WDR33: variants seen among roughly 807,000 people sequenced by gnomAD.
WDR33 encodes pre-mRNA 3' end processing protein WDR33.
In WDR33, 47 loss-of-function variants were observed where a neutral mutation model predicts 164.9. The observed-to-expected ratio is 0.29, with a 90% CI of 0.23 to 0.36. The LOEUF is 0.36. WDR33 is among the 10% of genes least tolerant of loss of function. WDR33 has a pLI of 1.00. For missense variants in WDR33, 1,137 were observed against 1,754.1 expected, an observed-to-expected ratio of 0.65 and a Z score of 6.28; for synonymous variants, 505 against 589.0, an observed-to-expected ratio of 0.86 and a Z score of 2.06.
intron 1 of WDR33, among the ~76,000 whole-genome samples, chr2:127,805,263 A>C (rs918056092): frequency 1.5e-4 from 23 of 151,354 alleles, no homozygotes; most frequent in African/African-American, 5.6e-4. Context: ...TTTTTTTAAA[A>C]TAGAGACAGG....
chr2:127,759,184 G>A (rs1687605305), intron 7 of WDR33, among the ~76,000 whole-genome samples: 1 of 152,100 alleles, frequency 6.6e-6, no homozygotes, highest in African/African-American at 2.4e-5. Context: ...TTGTAATGGT[G>A]GACATATACA....
chr2:127,769,418 G>A (rs900775252), intron 2 of WDR33, among the ~76,000 whole-genome samples: 4 of 151,808 alleles, frequency 2.6e-5, no homozygotes, highest in South Asian at 2.1e-4. Context: ...GCAACAGAGC[G>A]AGATTCCATC....
At position 127,763,936 on chromosome 2, in the gene WDR33, C is replaced by T. The variant is rs1487367112; in HGVS notation, c.627-777G>A. 2.0e-6 allele frequency: 2 copies of T among 985,638 alleles called. No homozygotes were observed. The highest frequency in any genetic ancestry group is 2.4e-6 in the Non-Finnish European group (2 of 830,204). 61.1% of individuals were successfully genotyped at this position (985,638 alleles called of 1,614,324 possible). A position where few individuals can be genotyped will look rare whatever the true frequency, so the allele number is the denominator to read the frequency against. On this transcript the variant is annotated intron_variant, in intron 6 of 21. Transcript: ENST00000322313. This position sits in a 1 kb window ranked among gnomAD's most constrained non-coding sequence, Gnocchi z 4.5. ...TAAGGCAAAATCTACAAAGCAGAAG[C>T]ATGTTCATCCAACAATTTCTGTTAA...
intron 7 of WDR33, among the ~76,000 whole-genome samples, chr2:127,748,366 G>C (rs1687224963): frequency 6.6e-6 from 1 of 152,206 alleles, no homozygotes; most frequent in African/African-American, 2.4e-5. Context: ...ATTCACACTT[G>C]TAAATACTAA....
In WDR33 at chr2:127,702,294, A is replaced by T. The variant is rs1359690053; in HGVS notation, c.*4029T>A. 9.7e-7 allele frequency: 1 copy of T among 1,033,194 alleles called. No homozygotes were observed. The highest frequency in any genetic ancestry group is 4.9e-5 in the Admixed American group (1 of 20,570). 64.0% of individuals were successfully genotyped at this position (1,033,194 alleles called of 1,614,324 possible). ...AAGCCCGTGGCGAAGGCCCTGCCCT[A>T]ACAGCCTGCGAGTCTAATCCGGGAG... On this transcript the variant is annotated 3_prime_UTR_variant, in exon 22 of 22. Transcript: ENST00000322313.
chr2:127,740,902 A>G (rs1053029200), intron 7 of WDR33, among the ~76,000 whole-genome samples: 2 of 152,308 alleles, frequency 1.3e-5, no homozygotes, highest in Admixed American at 1.3e-4. Context: ...ATTTTAGGAA[A>G]TTTTGAAAAA....
intron 1 of WDR33, among the ~76,000 whole-genome samples, chr2:127,772,827 C>T (rs1174297259): frequency 2.6e-5 from 4 of 151,966 alleles, no homozygotes; most frequent in African/African-American, 2.4e-5. Context: ...ATTTTAAGCA[C>T]ATTTTAAAAA....
chr2:127,724,550 C>T lies in WDR33; in HGVS notation c.1086-107G>A. ...TACTCTTAAAATGAAGCTACCAAAGCCTGGACTTGGACTCTGGTGAATTCC... is the reference window on the plus strand; with the variant it reads ...TACTCTTAAAATGAAGCTACCAAAGTCTGGACTTGGACTCTGGTGAATTCC... On this transcript the variant is annotated intron_variant, in intron 10 of 21. Transcript: ENST00000322313. This position sits in a 1 kb window ranked among gnomAD's most constrained non-coding sequence, Gnocchi z 4.8. 1.0e-6 allele frequency: 1 copy of T among 976,414 alleles called. No individual in the cohort carries two copies. The highest frequency in any genetic ancestry group is 2.1e-5 in the Admixed American group (1 of 46,528). 60.5% of individuals were successfully genotyped at this position (976,414 alleles called of 1,614,324 possible).
In WDR33 at chr2:127,720,163, C is replaced by T. The variant is rs1686401597; in HGVS notation, c.1862G>A (p.Gly621Asp). ...PMNMAQMGPP[G>D]PQGQFRPPGP... ...AGGAGGCCTAAACTGTCCCTGTGGA[C>T]CTGGAGGCCCCATTTGAGCCATGTT... The change falls in exon 16 of 22, where the codon GGT becomes GAT. Residue 621 changes from glycine to aspartate, a missense_variant. Gly to Asp is a moderately conservative substitution (Grantham distance 94, BLOSUM62 -1). Around this residue, in one of 9 missense-constraint regions of WDR33, gnomAD observed 867 missense variants for 1,073.0 expected, o/e 0.81. Transcript: ENST00000322313. This position sits in a 1 kb window ranked among gnomAD's most constrained non-coding sequence, Gnocchi z 5.9. 1.2e-6 allele frequency: 2 copies of T among 1,613,748 alleles called. No individual in the cohort carries two copies. The highest frequency in any genetic ancestry group is 1.7e-6 in the Non-Finnish European group (2 of 1,179,880).
chr2:127,729,855 A>G (rs1686660976), intron 7 of WDR33, among the ~76,000 whole-genome samples: 1 of 152,200 alleles, frequency 6.6e-6, no homozygotes, highest in African/African-American at 2.4e-5. Flanking sequence ...TGTAGTATCT[A>G]ATTTTACAAA....
chr2:127,720,142 G>A lies in WDR33; in HGVS notation c.1883C>T (p.Pro628Leu), dbSNP rs766192018. Reference protein sequence around the residue: ...GPPGPQGQFRPPGPQGQMGPQ... With the variant: ...GPPGPQGQFRLPGPQGQMGPQ... ...TCCCATTTGTCCCTGGGGTCCAGGA[G>A]GCCTAAACTGTCCCTGTGGACCTGG... The change falls in exon 16 of 22, where the codon CCT becomes CTT. Residue 628 changes from proline to leucine, a missense_variant. Physicochemically the swap from Pro to Leu is moderately conservative, Grantham distance 98. Coordinates refer to ENST00000322313, the MANE Select transcript of WDR33 (RefSeq NM_018383.5). This position sits in a 1 kb window ranked among gnomAD's most constrained non-coding sequence, Gnocchi z 5.9. 12 of 1,614,064 alleles carry A rather than the reference G, an allele frequency of 7.4e-6. No individual in the cohort carries two copies. Among genetic ancestry groups the A allele is most frequent in the Admixed American group, 3.3e-5 (2 of 60,000 alleles).
chr2:127,737,461 T>C (rs919182426), intron 7 of WDR33: 1 of 985,542 alleles, frequency 1.0e-6, no homozygotes, highest in Non-Finnish European at 1.2e-6. Flanking sequence ...ATATATACAG[T>C]CAAGAAAAGC....
At chr2:127,803,783 T>C (rs1321240147) in intron 1 of WDR33, among the ~76,000 whole-genome samples, 1 of 151,714 alleles carries the variant, frequency 6.6e-6, no homozygotes, top group Non-Finnish European at 1.5e-5. Flanking sequence ...CTTGGGTTAT[T>C]GTTTTGCCAA....
intron 7 of WDR33, among the ~76,000 whole-genome samples, chr2:127,742,107 C>A (rs1687033626): frequency 6.6e-6 from 1 of 152,096 alleles, no homozygotes; most frequent in Non-Finnish European, 1.5e-5. Context: ...GAGGCTGAGG[C>A]AGGAGAAACA....
At position 127,717,033 on chromosome 2, in the gene WDR33, C is replaced by A; in HGVS notation, c.2869+122G>T. ...AAGCTCCTACCTGAATGACCACACCCTTATTTTGCCCAGAGGTTCAAATGA... is the reference window on the plus strand; with the variant it reads ...AAGCTCCTACCTGAATGACCACACCATTATTTTGCCCAGAGGTTCAAATGA... On this transcript the variant is annotated intron_variant, in intron 17 of 21. Coordinates refer to ENST00000322313, the MANE Select transcript of WDR33 (RefSeq NM_018383.5). This position sits in a 1 kb window ranked among gnomAD's most constrained non-coding sequence, Gnocchi z 5.6. 2 of 985,596 alleles carry A rather than the reference C, an allele frequency of 2.0e-6. No homozygotes were observed. Among genetic ancestry groups the A allele is most frequent in the South Asian group, 1.4e-5 (1 of 69,556 alleles). 61.1% of individuals were successfully genotyped at this position (985,596 alleles called of 1,614,324 possible).
rs761790721 is a variant in WDR33, at chr2:127,706,387, C to G, written c.3947G>C (p.Gly1316Ala). ...GGRSGSNWGRGSNMNSGPPRR... is the reference protein window; with the variant it reads ...GGRSGSNWGRASNMNSGPPRR... Reference sequence around the variant, plus strand: ...CGGCGGGCCAGAGTTCATGTTACTCCCTCTACCCCAGTTACTGCCACTCCG... The same window carrying G: ...CGGCGGGCCAGAGTTCATGTTACTCGCTCTACCCCAGTTACTGCCACTCCG... Residue 1316 changes from glycine (G) to alanine (A), a missense_variant, in exon 22 of 22, where the codon GGG becomes GCG. Around this residue, in one of 9 missense-constraint regions of WDR33, gnomAD observed 867 missense variants for 1,073.0 expected, o/e 0.81. Transcript: ENST00000322313. This position sits in a 1 kb window ranked among gnomAD's most constrained non-coding sequence, Gnocchi z 5.1. 2 of 1,612,236 alleles carry G rather than the reference C, an allele frequency of 1.2e-6. No individual in the cohort carries two copies. The highest frequency in any genetic ancestry group is 1.7e-6 in the Non-Finnish European group (2 of 1,179,242).
At position 127,719,900 on chromosome 2, in the gene WDR33, C is replaced by A. The variant is rs1686392561; in HGVS notation, c.2125G>T (p.Gly709Cys). 1 of 1,613,786 alleles carries A rather than the reference C, an allele frequency of 6.2e-7. No individual in the cohort carries two copies. The highest frequency in any genetic ancestry group is 8.5e-7 in the Non-Finnish European group (1 of 1,179,986). Residue 709 changes from glycine (G) to cysteine (C), a missense_variant, in exon 16 of 22, where the codon GGT becomes TGT. Physicochemically the swap from Gly to Cys is radical, Grantham distance 159 (BLOSUM62 -3). Around this residue, in one of 9 missense-constraint regions of WDR33, gnomAD observed 867 missense variants for 1,073.0 expected, o/e 0.81. Coordinates refer to ENST00000322313, the MANE Select transcript of WDR33 (RefSeq NM_018383.5). This position sits in a 1 kb window ranked among gnomAD's most constrained non-coding sequence, Gnocchi z 6.5. The part of the protein sequence containing the change: ...SGPQGHMGPQ[G>C]PPGPQGHIGP... Reference sequence around the variant, plus strand: ...ATGTGACCCTGTGGGCCAGGTGGACCCTGAGGACCCATATGACCTTGAGGA... The same window carrying A: ...ATGTGACCCTGTGGGCCAGGTGGACACTGAGGACCCATATGACCTTGAGGA...
chr2:127,741,719 T>G lies in WDR33; in HGVS notation c.725-14942A>C, dbSNP rs1384739727. Among the ~76,000 whole-genome samples the G allele has an allele frequency of 6.6e-6, 1 of 152,060 alleles. No individual in the cohort carries two copies. Among genetic ancestry groups the G allele is most frequent in the African/African-American group, 2.4e-5 (1 of 41,418 alleles). ...AAGAGAAAAATACAGATTATATGAC[T>G]TTAGGGAAAACAAACAGGAACAACA... On this transcript the variant is annotated intron_variant, in intron 7 of 21. Coordinates refer to ENST00000322313, the MANE Select transcript of WDR33 (RefSeq NM_018383.5). This position sits in a 1 kb window ranked among gnomAD's most constrained non-coding sequence, Gnocchi z 4.1.
At chr2:127,788,218 C>A (rs1324387353) in intron 1 of WDR33, among the ~76,000 whole-genome samples, 1 of 124,268 alleles carries the variant, frequency 8.0e-6, no homozygotes, top group African/African-American at 3.1e-5. Context: ...ACCTCCCTCC[C>A]GGACAGGGCG....
Sources: allele counts gnomAD v4.1 joint callset (sites outside exome capture counted in the v4.1 genomes callset), GRCh38; gene constraint gnomAD v4.1.1; regional missense constraint gnomAD v4.1.1; non-coding constraint Gnocchi (gnomAD v3.1); transcripts MANE v1.5; gene names NCBI Gene and HGNC (gene_info 2026-07-23, HGNC 2026-07-21).